NAALADL2: variants seen among roughly 807,000 people sequenced by gnomAD.
NAALADL2 encodes the protein inactive N-acetylated-alpha-linked acidic dipeptidase-like protein 2.
Under a neutral mutation model 87.2 loss-of-function variants are expected in NAALADL2, and 76 were observed. That is an observed-to-expected ratio of 0.87 (90% CI 0.72 to 1.05). The LOEUF is 1.05. NAALADL2 is among the 50% of genes least tolerant of loss of function. The probability of loss-of-function intolerance (pLI) is 0.00; values close to 1 mark genes in which losing one functional copy is unlikely to be tolerated. For missense variants in NAALADL2, 1,089 were observed against 945.8 expected (o/e 1.15, Z -1.99); for synonymous variants, 354 against 331.0 (o/e 1.07, Z -0.75).
chr3:174,494,253 A>G (rs879820151), intron 1 of NAALADL2, among the ~76,000 whole-genome samples: 1 of 152,186 alleles, frequency 6.6e-6, no homozygotes, highest in Non-Finnish European at 1.5e-5. Context: ...ACTTGAATGC[A>G]GTAGGAAGTC....
At chr3:174,556,426 C>A (rs1230894156) in intron 2 of NAALADL2, among the ~76,000 whole-genome samples, 2 of 151,880 alleles carry the variant, frequency 1.3e-5, no homozygotes, top group South Asian at 2.1e-4. Context: ...TATTTAATAT[C>A]ATCAGAAAAA....
chr3:174,833,613 C>A (rs918141955), intron 3 of NAALADL2, among the ~76,000 whole-genome samples: 1 of 152,006 alleles, frequency 6.6e-6, no homozygotes, highest in Non-Finnish European at 1.5e-5. Flanking sequence ...CAGAAAAAAA[C>A]TATACTTTTA....
chr3:174,804,583 G>C (rs1434485728), intron 3 of NAALADL2, among the ~76,000 whole-genome samples: 2 of 152,110 alleles, frequency 1.3e-5, no homozygotes, highest in African/African-American at 2.4e-5. Flanking sequence ...TGCCCATTCA[G>C]TCTGATACTG....
intron 2 of NAALADL2, among the ~76,000 whole-genome samples, chr3:174,697,440 C>A (rs1182392585): frequency 2.0e-5 from 3 of 152,070 alleles, no homozygotes; most frequent in South Asian, 4.1e-4. Context: ...AAATTTGAAG[C>A]CTTCCAGTAA....
At chr3:175,337,362 T>G (rs1449937656) in intron 5 of NAALADL2, among the ~76,000 whole-genome samples, 1 of 152,132 alleles carries the variant, frequency 6.6e-6, no homozygotes, top group African/African-American at 2.4e-5. Flanking sequence ...CTTTTCAAAA[T>G]TAATATGTTC....
chr3:174,618,928 G>A (rs898505918), intron 2 of NAALADL2, among the ~76,000 whole-genome samples: 1 of 151,818 alleles, frequency 6.6e-6, no homozygotes, highest in Non-Finnish European at 1.5e-5. Flanking sequence ...CAAAGCAAAG[G>A]ATATTTGAGG....
chr3:174,850,734 A>G (rs776889491), intron 3 of NAALADL2, among the ~76,000 whole-genome samples: 4 of 152,136 alleles, frequency 2.6e-5, no homozygotes, highest in African/African-American at 7.2e-5. Flanking sequence ...ACAAATCAAC[A>G]TGGAACCTAA....
At chr3:174,955,565 T>C (rs1741036752) in intron 1 of NAALADL2, among the ~76,000 whole-genome samples, 1 of 152,046 alleles carries the variant, frequency 6.6e-6, no homozygotes, top group Non-Finnish European at 1.5e-5. Context: ...GGCAGAACAA[T>C]GCTTGTCTGG....
At chr3:174,943,928 T>C (rs900103235) in intron 1 of NAALADL2, among the ~76,000 whole-genome samples, 4 of 152,100 alleles carry the variant, frequency 2.6e-5, no homozygotes, top group Non-Finnish European at 4.4e-5. Flanking sequence ...AGGGAGTTGC[T>C]GAGTTGCTAA....
At chr3:175,276,271 C>G (rs982851936) in intron 4 of NAALADL2, among the ~76,000 whole-genome samples, 5 of 150,958 alleles carry the variant, frequency 3.3e-5, no homozygotes, top group African/African-American at 1.2e-4. Context: ...AATTCTTGCC[C>G]TAAAAAGGTT....
Position 175,159,519 on chromosome 3 carries a change from A to C in NAALADL2, c.545+62228A>C, listed in dbSNP as rs1306611810. Among the ~76,000 whole-genome samples the C allele has an allele frequency of 2.0e-5, 3 of 152,204 alleles. No homozygotes were observed. The East Asian group carries it at 5.8e-4, about 29-fold the overall frequency. On this transcript the variant is annotated intron_variant, in intron 2 of 13. Coordinates refer to ENST00000454872, the MANE Select transcript of NAALADL2 (RefSeq NM_207015.3). ...AGCCTTCATGAGATTTTTGACAGGA[A>C]GTGAAATAATTTTGTAATCTCTCAA...
At chr3:175,472,194 G>C (rs949371975) in intron 9 of NAALADL2, among the ~76,000 whole-genome samples, 1 of 151,152 alleles carries the variant, frequency 6.6e-6, no homozygotes, top group African/African-American at 2.4e-5. Context: ...CAAGAATATA[G>C]TGATAACTAA....
At chr3:175,659,999 T>A (rs1732027934) in intron 11 of NAALADL2, among the ~76,000 whole-genome samples, 1 of 152,112 alleles carries the variant, frequency 6.6e-6, no homozygotes, top group Admixed American at 6.6e-5. Context: ...AGTCCAAGAT[T>A]AAGGCATCAG....
At chr3:175,423,038 T>A (rs1397026957) in intron 5 of NAALADL2, among the ~76,000 whole-genome samples, 8 of 108,774 alleles carry the variant, frequency 7.4e-5, no homozygotes, top group African/African-American at 3.0e-4. Flanking sequence ...AATATATATA[T>A]ATATATATAT....
chr3:175,056,907 T>G (rs1712320867), intron 1 of NAALADL2, among the ~76,000 whole-genome samples: 1 of 152,228 alleles, frequency 6.6e-6, no homozygotes, highest in Admixed American at 6.5e-5. Flanking sequence ...ACCCACAACC[T>G]TCCAATGTGG....
chr3:175,788,339 C>A (rs1023081242), intron 13 of NAALADL2, among the ~76,000 whole-genome samples: 1 of 152,062 alleles, frequency 6.6e-6, no homozygotes, highest in Non-Finnish European at 1.5e-5. Flanking sequence ...CGATCCACCA[C>A]CTCAGCCTCC....
chr3:174,488,634 G>C (rs995721055), intron 1 of NAALADL2, among the ~76,000 whole-genome samples: 1 of 152,000 alleles, frequency 6.6e-6, no homozygotes, highest in Non-Finnish European at 1.5e-5. Context: ...TAAGTTCTTA[G>C]TTGACTGTTT....
At chr3:175,377,018 A>G (rs1767211556) in intron 5 of NAALADL2, among the ~76,000 whole-genome samples, 1 of 151,040 alleles carries the variant, frequency 6.6e-6, no homozygotes, top group Admixed American at 6.6e-5. Context: ...AAAAAAAAAA[A>G]TTATTGAATT....
chr3:175,784,186 C>A (rs371069769), intron 13 of NAALADL2, among the ~76,000 whole-genome samples: 6 of 147,994 alleles, frequency 4.1e-5, no homozygotes, highest in Admixed American at 2.7e-4. Context: ...TGTCTCTGCC[C>A]GGCTTTGGTA....
Sources: allele counts gnomAD v4.1 joint callset (sites outside exome capture counted in the v4.1 genomes callset), GRCh38; gene constraint gnomAD v4.1.1; transcripts MANE v1.5; gene names NCBI Gene and HGNC (gene_info 2026-07-23, HGNC 2026-07-21).